The following COL19A1 variants were observed in gnomAD, a reference collection of about 807,000 sequenced individuals.
COL19A1 encodes collagen type XIX alpha 1 chain.
In COL19A1, 159 loss-of-function variants were observed where a neutral mutation model predicts 190.2. That is an observed-to-expected ratio of 0.84 (90% confidence interval 0.73 to 0.95). The LOEUF (loss-of-function observed/expected upper bound fraction) is 0.95. Among genes scored for constraint, COL19A1 ranks in the 40% least tolerant of loss-of-function variants. COL19A1 has a pLI of 0.00. For missense variants in COL19A1, 1,418 were observed against 1,431.9 expected (o/e 0.99, Z 0.16); for synonymous variants, 509 against 458.9 (o/e 1.11, Z -1.39).
At chr6:69,983,850 AATTTGCTACTATCATG>A (rs1324158894) in intron 11 of COL19A1, among the ~76,000 whole-genome samples, 1 of 152,074 alleles carries the variant, frequency 6.6e-6, no homozygotes, top group Non-Finnish European at 1.5e-5. Context: ...AAGTGGATTC[AATTTGCTACTATCATG>A]ATTAGGATTT....
chr6:69,978,966 A>G (rs1447946104), intron 11 of COL19A1, among the ~76,000 whole-genome samples: 1 of 151,884 alleles, frequency 6.6e-6, no homozygotes, highest in Non-Finnish European at 1.5e-5. Context: ...GAAAGAAACA[A>G]AAATTTGATC....
At chr6:69,875,009 G>A (rs895039226) in intron 1 of COL19A1, among the ~76,000 whole-genome samples, 3 of 152,186 alleles carry the variant, frequency 2.0e-5, no homozygotes, top group Non-Finnish European at 2.9e-5. Context: ...TACAGTGATG[G>A]ACAAGACAGA....
At position 69,962,876 on chromosome 6, in the gene COL19A1, T is replaced by C; in HGVS notation, c.1026+6T>C. On this transcript the variant is annotated splice_donor_region_variant and intron_variant, in intron 11 of 50. Coordinates refer to ENST00000620364, the MANE Select transcript of COL19A1 (RefSeq NM_001858.6). ...AAGGAGAAACTGGTGAAAAGGTAAA[T>C]ATCTCTTTTTACATTCACATCTGTA... The C allele has an allele frequency of 5.0e-6, 8 of 1,601,230 alleles. No homozygotes were observed. Among genetic ancestry groups the C allele is most frequent in the Non-Finnish European group, 6.8e-6 (8 of 1,171,278 alleles).
intron 9 of COL19A1, among the ~76,000 whole-genome samples, chr6:69,956,706 G>T (rs1197816175): frequency 6.6e-6 from 1 of 151,848 alleles, no homozygotes; most frequent in African/African-American, 2.4e-5. Context: ...TAGAATCCTG[G>T]CATTCCACTT....
chr6:70,194,101 G>C (rs903242219), intron 48 of COL19A1, among the ~76,000 whole-genome samples: 19 of 152,182 alleles, frequency 1.2e-4, no homozygotes, highest in Non-Finnish European at 4.4e-5. Flanking sequence ...TGCTATCTCT[G>C]CTGCACGCAT....
intron 11 of COL19A1, among the ~76,000 whole-genome samples, chr6:70,005,591 G>A (rs865835003): frequency 6.6e-6 from 1 of 152,152 alleles, no homozygotes; most frequent in Non-Finnish European, 1.5e-5. Context: ...GATTGCTCCT[G>A]TATAGGGTGT....
At position 69,926,716 on chromosome 6, in the gene COL19A1, A is replaced by G. The variant is rs146638053; in HGVS notation, c.267-1193A>G. Among the ~76,000 whole-genome samples, 434 of 152,250 alleles carry G rather than the reference A, an allele frequency of 2.9e-3. 6 individuals are homozygous for G. The highest frequency in any genetic ancestry group is 0.027 in the South Asian group (131 of 4,830). ...AGAAAGACTATTTGAAGAAATAAGCAATGCAAATTCCTCAAATTTGGTAAA... is the reference window on the plus strand; with the variant it reads ...AGAAAGACTATTTGAAGAAATAAGCGATGCAAATTCCTCAAATTTGGTAAA... On this transcript the variant is annotated intron_variant, in intron 4 of 50. Coordinates refer to ENST00000620364, the MANE Select transcript of COL19A1 (RefSeq NM_001858.6).
At chr6:69,973,868 A>G (rs1385035604) in intron 11 of COL19A1, 2 of 152,218 alleles carry the variant, frequency 1.3e-5, no homozygotes, top group Middle Eastern at 3.2e-3. Context: ...TTCTTTCACA[A>G]TCAATGTAAA....
At chr6:70,033,419 G>A (rs1276113789) in intron 12 of COL19A1, among the ~76,000 whole-genome samples, 1 of 151,912 alleles carries the variant, frequency 6.6e-6, no homozygotes, top group African/African-American at 2.4e-5. Flanking sequence ...CCTTCATCCA[G>A]TGTGTTAAAC....
intron 12 of COL19A1, among the ~76,000 whole-genome samples, chr6:70,025,312 G>A (rs944081503): frequency 2.6e-5 from 4 of 152,214 alleles, no homozygotes; most frequent in African/African-American, 7.2e-5. Context: ...TTACAGGCGT[G>A]AGCCACCGTG....
At chr6:69,877,714 C>G (rs887060709) in intron 1 of COL19A1, among the ~76,000 whole-genome samples, 2 of 151,916 alleles carry the variant, frequency 1.3e-5, no homozygotes, top group Admixed American at 6.6e-5. Context: ...ACTTAAACAA[C>G]TGGATTAAAA....
chr6:69,969,140 A>G (rs868423366), intron 11 of COL19A1, among the ~76,000 whole-genome samples: 17 of 152,338 alleles, frequency 1.1e-4, no homozygotes, highest in Admixed American at 5.9e-4. Flanking sequence ...TGTTCAATAA[A>G]TGTTAATATC....
chr6:70,120,533 C>T (rs1193125327), intron 16 of COL19A1, among the ~76,000 whole-genome samples: 1 of 152,258 alleles, frequency 6.6e-6, no homozygotes, highest in East Asian at 1.9e-4. Context: ...TCTAACTGAC[C>T]TAGAATTCTT....
At chr6:70,033,882 G>A (rs1010118862) in intron 12 of COL19A1, among the ~76,000 whole-genome samples, 1 of 151,950 alleles carries the variant, frequency 6.6e-6, no homozygotes, top group Non-Finnish European at 1.5e-5. Context: ...CTTAACAAAG[G>A]CCAAATCAAT....
chr6:70,181,403 A>C (rs1766165190), intron 44 of COL19A1, among the ~76,000 whole-genome samples: 1 of 152,118 alleles, frequency 6.6e-6, no homozygotes, highest in Non-Finnish European at 1.5e-5. Context: ...TGACATATGG[A>C]AAGCATTTCC....
chr6:70,181,135 G>A (rs1766152065), intron 44 of COL19A1, among the ~76,000 whole-genome samples: 1 of 152,194 alleles, frequency 6.6e-6, no homozygotes, highest in Non-Finnish European at 1.5e-5. Flanking sequence ...GATCTAAGAT[G>A]AATAAGACAG....
At chr6:70,157,715 T>A (rs1352652663) in intron 34 of COL19A1, among the ~76,000 whole-genome samples, 1 of 152,150 alleles carries the variant, frequency 6.6e-6, no homozygotes, top group Non-Finnish European at 1.5e-5. Flanking sequence ...AAATAAGTTA[T>A]TGTGCTTTTG....
rs1768233412 is a variant in COL19A1, at chr6:70,211,970, A to G, written c.*4696A>G. ...GTGATGTGGTACAACTGGAGGAGTT[A>G]GCTACTTGCTTCATGAATTTGTCAA... is the stretch of plus-strand genomic sequence containing the variant. On this transcript the variant is annotated 3_prime_UTR_variant, in exon 51 of 51. Coordinates refer to ENST00000620364, the MANE Select transcript of COL19A1 (RefSeq NM_001858.6). Among the ~76,000 whole-genome samples the G allele has an allele frequency of 6.6e-6, 1 of 152,178 alleles. No individual in the cohort carries two copies. The highest frequency in any genetic ancestry group is 2.1e-4 in the South Asian group (1 of 4,830).
chr6:70,068,430 TGG>T lies in COL19A1; in HGVS notation c.1181_1182del (p.Gly394AspfsTer49). On this transcript the variant is annotated frameshift_variant, in exon 15 of 51. Transcript: ENST00000620364. LOFTEE classifies it high-confidence loss of function. ...GTCTCTTTTTCCTCATAGGGTTCCCTGGGGATACAAGGCCCCCAAGGTCCACC... is the reference window on the plus strand; with the variant it reads ...GTCTCTTTTTCCTCATAGGGTTCCCTGGATACAAGGCCCCCAAGGTCCACC... The T allele has an allele frequency of 6.3e-7, 1 of 1,595,954 alleles. No individual in the cohort carries two copies. The highest frequency in any genetic ancestry group is 8.6e-7 in the Non-Finnish European group (1 of 1,164,384).
Sources: allele counts gnomAD v4.1 joint callset (sites outside exome capture counted in the v4.1 genomes callset), GRCh38; gene constraint gnomAD v4.1.1; transcripts MANE v1.5; gene names NCBI Gene and HGNC (gene_info 2026-07-23, HGNC 2026-07-21).